The following GPD2 variants were observed in gnomAD, a reference collection of about 807,000 sequenced individuals.
The protein encoded by GPD2 is glycerol-3-phosphate dehydrogenase 2, also known as glycerol-3-phosphate dehydrogenase, mitochondrial.
GPD2 carries 54 observed loss-of-function variants against 82.4 expected under a neutral mutation model. The observed-to-expected ratio is 0.66, with a 90% CI of 0.53 to 0.82. The LOEUF is 0.82. Among genes scored for constraint, GPD2 ranks in the 40% least tolerant of loss-of-function variants. GPD2 has a pLI of 0.00. For missense variants in GPD2, 748 were observed against 896.2 expected (o/e 0.83, Z 2.11); for synonymous variants, 288 against 306.1 (o/e 0.94, Z 0.62).
chr2:156,540,605 A>G (rs77908502), intron 6 of GPD2, among the ~76,000 whole-genome samples: 3,039 of 152,278 alleles, frequency 0.02, 103 homozygotes, highest in African/African-American at 0.069. Flanking sequence ...GCTAATATAG[A>G]TTTCCTTTAT....
At chr2:156,463,820 C>T (rs937871503) in intron 1 of GPD2, among the ~76,000 whole-genome samples, 1 of 152,024 alleles carries the variant, frequency 6.6e-6, no homozygotes, top group Admixed American at 6.6e-5. Flanking sequence ...AATATTGAGT[C>T]GAACCCTTTA....
intron 6 of GPD2, among the ~76,000 whole-genome samples, chr2:156,542,419 A>G (rs1260619002): frequency 6.6e-6 from 1 of 152,216 alleles, no homozygotes; most frequent in Non-Finnish European, 1.5e-5. Flanking sequence ...TGGATAGGTG[A>G]CAGCAAATTA....
the GPD2 span, among the ~76,000 whole-genome samples, chr2:156,400,667 A>C: frequency 6.6e-6 from 1 of 152,138 alleles, no homozygotes; most frequent in Non-Finnish European, 1.5e-5. Context: ...TTTCAGAAGC[A>C]CTCGCCAATA....
At chr2:156,473,074 T>G (rs564298583) in intron 1 of GPD2, among the ~76,000 whole-genome samples, 68 of 152,302 alleles carry the variant, frequency 4.5e-4, no homozygotes, top group African/African-American at 1.6e-3. Flanking sequence ...ATGATAATCT[T>G]AGGAAAGTCA....
At chr2:156,444,739 A>ACT (rs1682300830) in intron 1 of GPD2, among the ~76,000 whole-genome samples, 1 of 151,706 alleles carries the variant, frequency 6.6e-6, no homozygotes, top group African/African-American at 2.4e-5. Flanking sequence ...ACACACACAC[A>ACT]CTAACATAAT....
chr2:156,521,327 A>G (rs1477800635), intron 6 of GPD2, among the ~76,000 whole-genome samples: 2 of 152,198 alleles, frequency 1.3e-5, no homozygotes, highest in Admixed American at 1.3e-4. Context: ...AGGGTCTTTA[A>G]ATCAATCAGC....
intron 1 of GPD2, among the ~76,000 whole-genome samples, chr2:156,453,993 A>G (rs1398516520): frequency 6.6e-6 from 1 of 152,240 alleles, no homozygotes; most frequent in Non-Finnish European, 1.5e-5. Context: ...AGTTGGGTAG[A>G]TGACAGCGAG....
chr2:156,581,006 A>G (rs1688006282), intron 16 of GPD2, among the ~76,000 whole-genome samples: 1 of 152,212 alleles, frequency 6.6e-6, no homozygotes, highest in African/African-American at 2.4e-5. Context: ...TTGTAAATAA[A>G]CAGCAGAATT....
intron 1 of GPD2, among the ~76,000 whole-genome samples, chr2:156,451,736 G>T: frequency 6.8e-6 from 1 of 147,820 alleles, no homozygotes; most frequent in African/African-American, 2.5e-5. Flanking sequence ...GGCTGGCCGG[G>T]CGGGGGGCTG....
chr2:156,404,225 TA>T, the GPD2 span, among the ~76,000 whole-genome samples: 1 of 150,588 alleles, frequency 6.6e-6, no homozygotes, highest in African/African-American at 2.4e-5. Flanking sequence ...AATTAAAAAT[TA>T]AAAAAAAATT....
the GPD2 span, among the ~76,000 whole-genome samples, chr2:156,428,757 A>G: frequency 6.6e-6 from 1 of 152,186 alleles, no homozygotes; most frequent in Non-Finnish European, 1.5e-5. Flanking sequence ...GAGCTCTTTC[A>G]AAAATGAACT....
At position 156,509,765 on chromosome 2, in the gene GPD2, CT is replaced by C. The variant is rs60361072; in HGVS notation, c.275-1012del. The stretch of plus-strand genomic sequence containing the variant: ...CTTTCCTTATCAAGAATATGTTCTT[CT>C]TTTTTTTTTTTTTTTTTTATTTCCT... On this transcript the variant is annotated intron_variant, in intron 3 of 16. Transcript: ENST00000438166. 2.3e-3 allele frequency among the ~76,000 whole-genome samples: 273 copies of C among 117,362 alleles called. 6 individuals are homozygous for C. The highest frequency in any genetic ancestry group is 9.2e-3 in the East Asian group (36 of 3,906). 77.0% of individuals were successfully genotyped at this position (117,362 alleles called of 152,430 possible).
chr2:156,582,962 A>G lies in GPD2; in HGVS notation c.*44A>G, dbSNP rs1383453168. ...CAGCCAACAAACATAGAAACGACAA[A>G]TCACCATGTAACAACCAGAGATGAC... On this transcript the variant is annotated 3_prime_UTR_variant, in exon 17 of 17. Transcript: ENST00000438166. 6.2e-7 allele frequency: 1 copy of G among 1,605,626 alleles called. No individual in the cohort carries two copies. The highest frequency in any genetic ancestry group is 2.2e-5 in the East Asian group (1 of 44,748).
At chr2:156,458,792 T>C (rs1367468699) in intron 1 of GPD2, among the ~76,000 whole-genome samples, 2 of 152,166 alleles carry the variant, frequency 1.3e-5, no homozygotes, top group African/African-American at 2.4e-5. Flanking sequence ...TTCTCTTATA[T>C]GCATGCACAC....
rs760063261 is a variant in GPD2 at position 156,570,223 on chromosome 2, G to A, written c.1608+5G>A. 1.2e-6 allele frequency: 2 copies of A among 1,611,272 alleles called. No homozygotes were observed. Among genetic ancestry groups the A allele is most frequent in the Non-Finnish European group, 1.7e-6 (2 of 1,177,702 alleles). On this transcript the variant is annotated splice_donor_5th_base_variant and intron_variant, in intron 12 of 16. Transcript: ENST00000438166. ...TTTCCATATATTGAAGCAGAGGTAT[G>A]TGAATGGTCACATAGGAATTTCATG...
intron 9 of GPD2, among the ~76,000 whole-genome samples, chr2:156,566,830 G>C (rs1475289279): frequency 6.6e-6 from 1 of 152,036 alleles, no homozygotes; most frequent in African/African-American, 2.4e-5. Flanking sequence ...GCAGTGTACA[G>C]GGGGTTCAGT....
the GPD2 span, among the ~76,000 whole-genome samples, chr2:156,423,090 T>C: frequency 2.6e-5 from 4 of 152,222 alleles, no homozygotes; most frequent in African/African-American, 9.6e-5. Context: ...TACCCATATA[T>C]TATAGATGAG....
rs1012118687 is a variant in GPD2, at chr2:156,476,050, G to A, written c.-8-48G>A. 14 of 914,990 alleles carry A rather than the reference G, an allele frequency of 1.5e-5. No homozygotes were observed. In the East Asian group the frequency reaches 1.7e-4, roughly 11 times the overall value. 56.7% of individuals were successfully genotyped at this position (914,990 alleles called of 1,614,324 possible). A position where few individuals can be genotyped will look rare whatever the true frequency, so the allele number is the denominator to read the frequency against. ...TGTCTTATTATTGGGATGGTTATGC[G>A]ATAACTATCCCAATTAACTTCTTTT... is the stretch of plus-strand genomic sequence containing the variant. On this transcript the variant is annotated intron_variant, in intron 1 of 16. Transcript: ENST00000438166.
intron 2 of GPD2, chr2:156,495,751 C>A (rs2105240483): frequency 4.8e-6 from 2 of 414,394 alleles, no homozygotes; most frequent in East Asian, 5.9e-5. Flanking sequence ...TTGGGAATTG[C>A]TATACAGTGT....
Sources: gnomAD v4.1 joint callset for allele counts (sites outside exome capture counted in the v4.1 genomes callset) on GRCh38, gnomAD v4.1.1 for gene constraint, MANE v1.5 for transcripts, NCBI Gene and HGNC (gene_info 2026-07-23, HGNC 2026-07-21) for gene names.